Variants in DTD1 observed in about 807,000 individuals in gnomAD.
DTD1 encodes D-tyrosyl-tRNA deacylase 1 homolog.
A neutral mutation model predicts 25.6 loss-of-function variants in DTD1; 13 were observed. That is an observed-to-expected ratio of 0.51 (90% CI 0.33 to 0.81). The LOEUF is 0.81. DTD1 is among the 30% of genes least tolerant of loss of function. The pLI is 0.02. For synonymous variants in DTD1, 110 were observed against 103.6 expected, an observed-to-expected ratio of 1.06 and a Z score of -0.37; for missense variants, 193 against 266.4, an observed-to-expected ratio of 0.72 and a Z score of 1.92.
chr20:18,655,983 C>G (rs887080931), intron 4 of DTD1, among the ~76,000 whole-genome samples: 1 of 152,130 alleles, frequency 6.6e-6, no homozygotes, highest in Non-Finnish European at 1.5e-5. Flanking sequence ...GTTGGCCAGG[C>G]TGGTCTTGAA....
chr20:18,648,623 C>G (rs1204846253), intron 4 of DTD1, among the ~76,000 whole-genome samples: 1 of 152,056 alleles, frequency 6.6e-6, no homozygotes, highest in Non-Finnish European at 1.5e-5. Context: ...ATCTCTCTCT[C>G]TTCCTCCTCC....
intron 3 of DTD1, among the ~76,000 whole-genome samples, chr20:18,612,285 C>T (rs557477751): frequency 2.0e-5 from 3 of 152,018 alleles, no homozygotes; most frequent in Non-Finnish European, 2.9e-5. Flanking sequence ...CCGCCCGCCT[C>T]GGCCTCCCAA....
chr20:18,627,643 C>T (rs2060764942), intron 3 of DTD1, among the ~76,000 whole-genome samples: 1 of 152,180 alleles, frequency 6.6e-6, no homozygotes, highest in Admixed American at 6.5e-5. Flanking sequence ...GGTCAACCTC[C>T]TTCTCCCACT....
intron 5 of DTD1, among the ~76,000 whole-genome samples, chr20:18,757,284 C>T (rs1428349861): frequency 1.3e-5 from 2 of 152,156 alleles, no homozygotes; most frequent in African/African-American, 4.8e-5. Context: ...GCCTGATTGC[C>T]CTGGCCAGAA....
chr20:18,592,857 A>C (rs1478562576), intron 1 of DTD1, among the ~76,000 whole-genome samples: 2 of 151,174 alleles, frequency 1.3e-5, no homozygotes, highest in Non-Finnish European at 2.9e-5. Context: ...TAATTTTTGT[A>C]TTTTTATTAG....
At chr20:18,638,067 T>C (rs1028826267) in intron 4 of DTD1, among the ~76,000 whole-genome samples, 1 of 152,252 alleles carries the variant, frequency 6.6e-6, no homozygotes, top group African/African-American at 2.4e-5. Context: ...GGCAAGGATT[T>C]CGTAGTGGTA....
intron 3 of DTD1, among the ~76,000 whole-genome samples, chr20:18,607,038 C>T (rs76250309): frequency 0.025 from 3,843 of 151,966 alleles, 78 homozygotes; most frequent in South Asian, 0.045. Flanking sequence ...GATTTTTCTT[C>T]TTTAGCTTGA....
At chr20:18,753,870 G>T (rs369995854) in intron 5 of DTD1, among the ~76,000 whole-genome samples, 1 of 152,082 alleles carries the variant, frequency 6.6e-6, no homozygotes, top group Non-Finnish European at 1.5e-5. Flanking sequence ...AAGAGATTCC[G>T]ATTCTGGGGA....
chr20:18,726,239 C>T (rs1445590522), intron 4 of DTD1, among the ~76,000 whole-genome samples: 2 of 152,122 alleles, frequency 1.3e-5, no homozygotes, highest in South Asian at 2.1e-4. Flanking sequence ...TCTGACCTTC[C>T]TAGTGACAAT....
intron 5 of DTD1, among the ~76,000 whole-genome samples, chr20:18,748,749 TCTTG>T (rs2061310312): frequency 6.6e-6 from 1 of 152,228 alleles, no homozygotes; most frequent in Admixed American, 6.5e-5. Flanking sequence ...GGTATCTACT[TCTTG>T]CTTCTCTCAC....
At chr20:18,721,485 T>C (rs2061203429) in intron 4 of DTD1, among the ~76,000 whole-genome samples, 1 of 152,262 alleles carries the variant, frequency 6.6e-6, no homozygotes, top group South Asian at 2.1e-4. Context: ...TGTATCTATG[T>C]AGAAGTGAGC....
intron 4 of DTD1, among the ~76,000 whole-genome samples, chr20:18,653,950 G>T (rs1005537575): frequency 1.3e-5 from 2 of 152,240 alleles, no homozygotes; most frequent in African/African-American, 4.8e-5. Context: ...AAGGTCATGT[G>T]ACATGGCTAA....
chr20:18,596,040 G>A lies in DTD1; in HGVS notation c.169G>A (p.Asp57Asn). 2 of 1,614,178 alleles carry A rather than the reference G, an allele frequency of 1.2e-6. No individual in the cohort carries two copies. The highest frequency in any genetic ancestry group is 1.7e-6 in the Non-Finnish European group (2 of 1,180,036). The change falls in exon 3 of 6, where the codon GAT (aspartate) becomes AAT (asparagine). Residue 57 changes from aspartate (D) to asparagine (N), a missense_variant. Transcript: ENST00000377452. ...RKILNLRVFE[D>N]ESGKHWSKSV... ...GATTCTAAACCTGCGTGTATTTGAG[G>A]ATGAGAGTGGGAAGCACTGGTCGAA... is the stretch of plus-strand genomic sequence containing the variant.
At position 18,715,841 on chromosome 20, in the gene DTD1, C is replaced by T. The variant is rs534429966; in HGVS notation, c.478-28259C>T. On this transcript the variant is annotated intron_variant, in intron 4 of 5. Transcript: ENST00000377452. ...GGGCAAACAACAGGTTCATGTCCTG[C>T]GCTGCTTTATCTCGGGAGGAGTCGG... Among the ~76,000 whole-genome samples the T allele has an allele frequency of 2.1e-4, 32 of 152,256 alleles. No individual in the cohort carries two copies. The South Asian group carries it at 6.0e-3, about 29-fold the overall frequency.
intron 4 of DTD1, among the ~76,000 whole-genome samples, chr20:18,695,528 T>C (rs1600374793): frequency 1.9e-4 from 7 of 36,718 alleles, no homozygotes; most frequent in Non-Finnish European, 2.7e-4. Flanking sequence ...TCCTTTCCCT[T>C]CCCTTCCTTT....
At chr20:18,600,247 T>G (rs1036971026) in intron 3 of DTD1, among the ~76,000 whole-genome samples, 1 of 152,228 alleles carries the variant, frequency 6.6e-6, no homozygotes. Context: ...CATTTTACAT[T>G]TAGGCCTATG....
At chr20:18,699,925 T>C (rs766788520) in intron 4 of DTD1, among the ~76,000 whole-genome samples, 4 of 152,250 alleles carry the variant, frequency 2.6e-5, no homozygotes, top group Admixed American at 6.5e-5. Context: ...ATATCTGTAG[T>C]AGTGATCAAA....
chr20:18,661,567 T>G (rs2060910906), intron 4 of DTD1, among the ~76,000 whole-genome samples: 1 of 152,104 alleles, frequency 6.6e-6, no homozygotes, highest in South Asian at 2.1e-4. Flanking sequence ...GAGACGGGGT[T>G]TCACCGTGTT....
rs542231824 is a variant in DTD1 at position 18,756,144 on chromosome 20, A to G, written c.*20-7216A>G. Among the ~76,000 whole-genome samples, 20 of 152,188 alleles carry G rather than the reference A, an allele frequency of 1.3e-4. No individual in the cohort carries two copies. The South Asian group carries it at 3.9e-3, about 30-fold the overall frequency. On this transcript the variant is annotated intron_variant, in intron 5 of 5. Coordinates refer to ENST00000377452, the MANE Select transcript of DTD1 (RefSeq NM_080820.6). ...TTTGTTTTTTCTTGTAAATTTGTTTAAGTTCATTGTAGATTCTGGATATTA... is the reference window on the plus strand; with the variant it reads ...TTTGTTTTTTCTTGTAAATTTGTTTGAGTTCATTGTAGATTCTGGATATTA...
Sources: gnomAD v4.1 joint callset for allele counts (sites outside exome capture counted in the v4.1 genomes callset) on GRCh38, gnomAD v4.1.1 for gene constraint, MANE v1.5 for transcripts, NCBI Gene and HGNC (gene_info 2026-07-23, HGNC 2026-07-21) for gene names.